KMT2C: variants seen among roughly 807,000 people sequenced by gnomAD.
KMT2C encodes the protein lysine methyltransferase 2C.
A neutral mutation model predicts 507.9 loss-of-function variants in KMT2C; 88 were observed. The ratio of observed to expected loss-of-function variants is 0.17; its 90% CI spans 0.15 to 0.21. The LOEUF (loss-of-function observed/expected upper bound fraction) is 0.21. Among genes scored for constraint, KMT2C ranks in the 10% least tolerant of loss-of-function variants. KMT2C has a pLI of 1.00. For synonymous variants in KMT2C, 2,049 were observed against 2,080.8 expected (o/e 0.98, Z 0.42); for missense variants, 4,954 against 5,957.8 (o/e 0.83, Z 5.55).
intron 49 of KMT2C, among the ~76,000 whole-genome samples, 159 bp downstream of exon 49, chr7:152,152,546 A>C (rs933748667): frequency 6.6e-6 from 1 of 152,248 alleles, no homozygotes; most frequent in Non-Finnish European, 1.5e-5. Flanking sequence ...TCAAAATCAC[A>C]GCACAGAAAA....
rs765423856 is a variant in KMT2C at position 152,176,576 on chromosome 7, T to C, written c.8877A>G (p.Ala2959=). The change falls in exon 38 of 59, where the codon GCA becomes GCG. Residue 2959 remains alanine, a synonymous_variant. Transcript: ENST00000262189. ...NHVSSLPPFI[A]PPGRVLDNAM... is the part of the protein sequence containing the mutation. ...CATTATCCAAAACACGGCCAGGCGG[T>C]GCTATGAAAGGAGGCAAACTTGACA... 6.2e-7 allele frequency: 1 copy of C among 1,613,994 alleles called. No individual in the cohort carries two copies.
At chr7:152,221,236 G>A (rs1002302866) in intron 22 of KMT2C, among the ~76,000 whole-genome samples, 6 of 152,254 alleles carry the variant, frequency 3.9e-5, no homozygotes, top group Non-Finnish European at 7.4e-5. Context: ...CAGCCTGGGC[G>A]ACAGGGCGAG....
At position 152,136,403 on chromosome 7, in the gene KMT2C, G is replaced by A. The variant is rs768914032; in HGVS notation, c.*429C>T. 3 of 233,708 alleles carry A rather than the reference G, an allele frequency of 1.3e-5. No individual in the cohort carries two copies. Among genetic ancestry groups the A allele is most frequent in the Non-Finnish European group, 2.5e-5 (3 of 118,518 alleles). The allele number at this position is 233,708 out of a possible 1,614,324, so 14.5% of individuals were successfully genotyped here. On this transcript the variant is annotated 3_prime_UTR_variant, in exon 59 of 59. Coordinates refer to ENST00000262189, the MANE Select transcript of KMT2C (RefSeq NM_170606.3). The stretch of plus-strand genomic sequence containing the variant: ...GTGGCCAGCACTCTCTGTCCCCCTC[G>A]CTGGTGATTTCAGTCTTACATTCAT...
chr7:152,321,075 A>T (rs868392164), intron 3 of KMT2C, among the ~76,000 whole-genome samples: 1 of 151,896 alleles, frequency 6.6e-6, no homozygotes, highest in Non-Finnish European at 1.5e-5. Flanking sequence ...CTCTACTAAA[A>T]ATACAAAAGT....
At chr7:152,167,788 C>T (rs34964784) in intron 41 of KMT2C, among the ~76,000 whole-genome samples, 2,972 of 152,120 alleles carry the variant, frequency 0.02, 37 homozygotes, top group Non-Finnish European at 0.029. Flanking sequence ...TAAGGTCTAG[C>T]GCATAGACTA....
At chr7:152,257,282 C>A (rs1252912666) in intron 9 of KMT2C, among the ~76,000 whole-genome samples, 1 of 152,100 alleles carries the variant, frequency 6.6e-6, no homozygotes, top group Non-Finnish European at 1.5e-5. Context: ...CAACATGCTA[C>A]CTTCACTGAA....
chr7:152,247,555 G>T (rs1188435684), intron 14 of KMT2C, among the ~76,000 whole-genome samples: 1 of 152,282 alleles, frequency 6.6e-6, no homozygotes, highest in Non-Finnish European at 1.5e-5. Context: ...ATAGATGTTA[G>T]TTACTGTATA....
intron 31 of KMT2C, among the ~76,000 whole-genome samples, chr7:152,193,604 G>A (rs2093872583): frequency 6.6e-6 from 1 of 152,142 alleles, no homozygotes; most frequent in Non-Finnish European, 1.5e-5. Context: ...GTGGGGTGGT[G>A]ACCAGCTAAC....
At chr7:152,261,306 G>A (rs374495630) in intron 9 of KMT2C, among the ~76,000 whole-genome samples, 2 of 149,050 alleles carry the variant, frequency 1.3e-5, no homozygotes, top group Admixed American at 6.7e-5. Flanking sequence ...TAACACTGGC[G>A]TGACCTACTT....
chr7:152,371,549 T>C (rs1461568028), intron 1 of KMT2C, among the ~76,000 whole-genome samples: 1 of 152,058 alleles, frequency 6.6e-6, no homozygotes, highest in Non-Finnish European at 1.5e-5. Flanking sequence ...TTATTTTAAA[T>C]GGAAATAAAT....
At chr7:152,180,673 A>G (rs747629251) in intron 36 of KMT2C, 38 bp downstream of exon 36, 9 of 1,448,478 alleles carry the variant, frequency 6.2e-6, no homozygotes, top group Non-Finnish European at 7.6e-6. Flanking sequence ...GCTTCCTCAA[A>G]TAATACATTT....
At chr7:152,309,921 G>GA (rs760643208) in intron 6 of KMT2C, 45 bp downstream of exon 6, 7 of 1,182,758 alleles carry the variant, frequency 5.9e-6, no homozygotes, top group Non-Finnish European at 8.8e-6. Flanking sequence ...TGATTAAAGT[G>GA]AATGTTATAA....
intron 1 of KMT2C, among the ~76,000 whole-genome samples, chr7:152,401,617 G>A (rs1409285828): frequency 6.6e-6 from 1 of 152,272 alleles, no homozygotes; most frequent in Non-Finnish European, 1.5e-5. Flanking sequence ...CTTGAACCTA[G>A]GAAGCGGAGG....
chr7:152,337,790 G>A (rs1262634627), intron 2 of KMT2C, among the ~76,000 whole-genome samples: 1 of 150,802 alleles, frequency 6.6e-6, no homozygotes, highest in Non-Finnish European at 1.5e-5. Flanking sequence ...CTATTCTGAT[G>A]ACCTCTATCT....
At chr7:152,143,574 T>G (rs1347154248) in intron 55 of KMT2C, among the ~76,000 whole-genome samples, 1 of 152,194 alleles carries the variant, frequency 6.6e-6, no homozygotes, top group African/African-American at 2.4e-5. Context: ...ATCCTGAATC[T>G]CAGGGGTTTT....
At chr7:152,198,183 G>C (rs1343334049) in intron 27 of KMT2C, among the ~76,000 whole-genome samples, 1 of 152,162 alleles carries the variant, frequency 6.6e-6, no homozygotes, top group African/African-American at 2.4e-5. Context: ...AATTAAAGTA[G>C]GAGGTAAAAA....
Position 152,182,346 on chromosome 7 carries a change from A to G in KMT2C, c.5514T>C (p.Pro1838=). 6.2e-7 allele frequency: 1 copy of G among 1,613,984 alleles called. No homozygotes were observed. The highest frequency in any genetic ancestry group is 8.5e-7 in the Non-Finnish European group (1 of 1,179,946). The part of the protein sequence containing the change: ...ELFTKQPPST[P]TSTSSDDVFV... The stretch of plus-strand genomic sequence containing the variant: ...ACACATCATCTGAAGATGTAGACGT[A>G]GGGGTACTGGGTGGCTGTTTTGTAA... Residue 1838 remains proline, a synonymous_variant, in exon 36 of 59, where the codon CCT becomes CCC. Coordinates refer to ENST00000262189, the MANE Select transcript of KMT2C (RefSeq NM_170606.3).
intron 3 of KMT2C, among the ~76,000 whole-genome samples, chr7:152,328,436 C>A (rs535654990): frequency 6.6e-6 from 1 of 152,222 alleles, no homozygotes; most frequent in Non-Finnish European, 1.5e-5. Context: ...CAGACAGAAA[C>A]CCCATCAGCA....
intron 18 of KMT2C, among the ~76,000 whole-genome samples, chr7:152,229,425 T>C (rs976060794): frequency 6.6e-6 from 1 of 152,198 alleles, no homozygotes; most frequent in African/African-American, 2.4e-5. Context: ...TATCCTGAAA[T>C]GCTTCAAAGT....
Sources: gnomAD v4.1 joint callset for allele counts (sites outside exome capture counted in the v4.1 genomes callset) on GRCh38, gnomAD v4.1.1 for gene constraint, MANE v1.5 for transcripts, NCBI Gene and HGNC (gene_info 2026-07-23, HGNC 2026-07-21) for gene names.